CFTR: variants seen among roughly 807,000 people sequenced by gnomAD.
CFTR encodes the protein cystic fibrosis transmembrane conductance regulator.
In CFTR, 181 loss-of-function variants were observed where a neutral mutation model predicts 171.6. That is an observed-to-expected ratio of 1.05 (90% CI 0.93 to 1.19). The LOEUF (loss-of-function observed/expected upper bound fraction) is 1.19. Among genes scored for constraint, CFTR ranks in the 50% most tolerant of loss-of-function variants. CFTR has a pLI of 0.00. For synonymous variants in CFTR, 583 were observed against 608.0 expected, an observed-to-expected ratio of 0.96 and a Z score of 0.60; for missense variants, 1,968 against 1,734.7, an observed-to-expected ratio of 1.13 and a Z score of -2.39.
At chr7:117,550,024 A>G (rs993683116) in intron 10 of CFTR, among the ~76,000 whole-genome samples, 1 of 152,162 alleles carries the variant, frequency 6.6e-6, no homozygotes, top group African/African-American at 2.4e-5. Context: ...AAATGCCACA[A>G]AAAATTTCCA....
chr7:117,596,818 G>A (rs1488281818), intron 15 of CFTR, among the ~76,000 whole-genome samples: 1 of 152,152 alleles, frequency 6.6e-6, no homozygotes, highest in Non-Finnish European at 1.5e-5. Flanking sequence ...CTAGCTCAAG[G>A]TTTGTAAATA....
chr7:117,610,807 A>G, intron 19 of CFTR, 138 bp downstream of exon 19: 1 of 833,316 alleles, frequency 1.2e-6, no homozygotes, highest in Non-Finnish European at 1.9e-6. Flanking sequence ...TTCTACATGC[A>G]TGTGTATATA....
At chr7:117,559,877 C>A (rs1458059029) in intron 11 of CFTR, among the ~76,000 whole-genome samples, 2 of 151,930 alleles carry the variant, frequency 1.3e-5, no homozygotes, top group Non-Finnish European at 2.9e-5. Flanking sequence ...ATAATGGGTT[C>A]ATTTGATCAC....
At chr7:117,619,977 G>C (rs1792550004) in intron 21 of CFTR, among the ~76,000 whole-genome samples, 1 of 152,114 alleles carries the variant, frequency 6.6e-6, no homozygotes, top group Non-Finnish European at 1.5e-5. Context: ...TGGAGAAAAG[G>C]GGAACCTGGC....
At chr7:117,529,134 A>C (rs1305298210) in intron 3 of CFTR, among the ~76,000 whole-genome samples, 1 of 83,348 alleles carries the variant, frequency 1.2e-5, no homozygotes, top group Non-Finnish European at 2.0e-5. Context: ...CAACAATGAT[A>C]GACTGGATTA....
chr7:117,612,553 TAA>T (rs1187462369), intron 20 of CFTR, among the ~76,000 whole-genome samples: 1 of 152,172 alleles, frequency 6.6e-6, no homozygotes, highest in Non-Finnish European at 1.5e-5. Context: ...GTATTTATGA[TAA>T]GTGTTGAAAT....
chr7:117,490,174 T>G (rs1263615626), intron 1 of CFTR, among the ~76,000 whole-genome samples: 1 of 151,952 alleles, frequency 6.6e-6, no homozygotes, highest in Non-Finnish European at 1.5e-5. Flanking sequence ...ACTTAATCTC[T>G]CTGAACCTCA....
chr7:117,631,296 T>TC (rs962695716), intron 22 of CFTR, among the ~76,000 whole-genome samples: 4 of 151,926 alleles, frequency 2.6e-5, no homozygotes, highest in South Asian at 2.1e-4. Flanking sequence ...GTTATATGTT[T>TC]CCCCCCCTAG....
intron 20 of CFTR, 102 bp from the exon 21 acceptor site, chr7:117,614,511 G>A: frequency 1.3e-6 from 1 of 791,644 alleles, no homozygotes; most frequent in Admixed American, 1.8e-5. Flanking sequence ...AAATTGAAAT[G>A]TAAATTTAAT....
intron 11 of CFTR, among the ~76,000 whole-genome samples, chr7:117,568,977 G>A (rs1311489703): frequency 1.3e-5 from 2 of 152,200 alleles, no homozygotes; most frequent in African/African-American, 4.8e-5. Flanking sequence ...AGGCAGGTTG[G>A]TAGGGTGAAA....
At chr7:117,651,265 C>T (rs1353674606) in intron 23 of CFTR, among the ~76,000 whole-genome samples, 1 of 152,012 alleles carries the variant, frequency 6.6e-6, no homozygotes. Context: ...ATGCTAGAAA[C>T]CTTTTATTTA....
intron 20 of CFTR, among the ~76,000 whole-genome samples, chr7:117,612,241 A>ACACACT (rs1478026223): frequency 6.7e-6 from 1 of 149,984 alleles, no homozygotes; most frequent in African/African-American, 2.5e-5. Context: ...ATTTACACAC[A>ACACACT]CACACACACA....
intron 10 of CFTR, among the ~76,000 whole-genome samples, chr7:117,549,110 T>C (rs552889987): frequency 1.0e-4 from 16 of 152,398 alleles, no homozygotes; most frequent in African/African-American, 3.8e-4. Context: ...CTTTATTGAA[T>C]AAACAAATCA....
intron 1 of CFTR, among the ~76,000 whole-genome samples, chr7:117,500,397 C>G (rs1798305005): frequency 1.3e-5 from 2 of 151,466 alleles, no homozygotes; most frequent in African/African-American, 4.9e-5. Context: ...AGCAATTCTC[C>G]CACCTCAGCC....
chr7:117,636,918 A>G (rs1460995597), intron 22 of CFTR, among the ~76,000 whole-genome samples: 1 of 151,694 alleles, frequency 6.6e-6, no homozygotes, highest in African/African-American at 2.4e-5. Flanking sequence ...CCTGGGTTCA[A>G]GTGATTCTCC....
At chr7:117,617,743 G>C (rs1379860222) in intron 21 of CFTR, among the ~76,000 whole-genome samples, 1 of 151,876 alleles carries the variant, frequency 6.6e-6, no homozygotes, top group Non-Finnish European at 1.5e-5. Flanking sequence ...CTCTTTGTGG[G>C]ATCTTTCTCA....
At chr7:117,489,225 C>T (rs1798119562) in intron 1 of CFTR, among the ~76,000 whole-genome samples, 1 of 152,084 alleles carries the variant, frequency 6.6e-6, no homozygotes, top group Admixed American at 6.6e-5. Flanking sequence ...TAACTCTATT[C>T]ATAGCTCTGA....
chr7:117,483,350 T>G (rs546052302), intron 1 of CFTR, among the ~76,000 whole-genome samples: 22 of 152,330 alleles, frequency 1.4e-4, no homozygotes, highest in Non-Finnish European at 2.8e-4. Flanking sequence ...TGTTTTATAT[T>G]CATAGCTTGC....
At position 117,480,047 on chromosome 7, in the gene CFTR, A is replaced by G. The variant is rs1373378707; in HGVS notation, c.-48A>G. The G allele has an allele frequency of 6.3e-7, 1 of 1,576,454 alleles. No homozygotes were observed. The highest frequency in any genetic ancestry group is 2.2e-5 in the East Asian group (1 of 44,630). On this transcript the variant is annotated 5_prime_UTR_variant, in exon 1 of 27. Coordinates refer to ENST00000003084, the MANE Select transcript of CFTR (RefSeq NM_000492.4). Reference sequence around the variant, plus strand: ...AGAGTAGTAGGTCTTTGGCATTAGGAGCTTGAGCCCAGACGGCCCTAGCAG... The same window carrying G: ...AGAGTAGTAGGTCTTTGGCATTAGGGGCTTGAGCCCAGACGGCCCTAGCAG...
Sources: allele counts gnomAD v4.1 joint callset (sites outside exome capture counted in the v4.1 genomes callset), GRCh38; gene constraint gnomAD v4.1.1; transcripts MANE v1.5; gene names NCBI Gene and HGNC (gene_info 2026-07-23, HGNC 2026-07-21).